DOCK1: variants seen among roughly 807,000 people sequenced by gnomAD.
DOCK1 encodes dedicator of cytokinesis 1.
In DOCK1, 138 loss-of-function variants were observed where a neutral mutation model predicts 262.7. The ratio of observed to expected loss-of-function variants is 0.53; its 90% confidence interval spans 0.46 to 0.61. DOCK1 has a LOEUF of 0.61. DOCK1 is among the 20% of genes least tolerant of loss of function. The pLI is 0.00. For synonymous variants in DOCK1, 866 were observed against 867.4 expected (o/e 1.00, Z 0.03); for missense variants, 1,908 against 2,370.7 (o/e 0.80, Z 4.05).
chr10:127,074,311 AG>A (rs1311957317), intron 23 of DOCK1, among the ~76,000 whole-genome samples: 1 of 152,200 alleles, frequency 6.6e-6, no homozygotes, highest in African/African-American at 2.4e-5. Context: ...GAACTTGCCC[AG>A]GAACAGAGGG....
At chr10:127,265,159 T>A (rs775078585) in intron 29 of DOCK1, among the ~76,000 whole-genome samples, 2 of 152,244 alleles carry the variant, frequency 1.3e-5, no homozygotes, top group Non-Finnish European at 2.9e-5. Context: ...TCTGAAAGAC[T>A]AGCTCATCAA....
intron 28 of DOCK1, among the ~76,000 whole-genome samples, chr10:127,255,660 C>T (rs1325473794): frequency 3.9e-5 from 6 of 152,136 alleles, no homozygotes; most frequent in Non-Finnish European, 5.9e-5. Context: ...CAAAATTTAA[C>T]AGCTGAGCCA....
intron 29 of DOCK1, among the ~76,000 whole-genome samples, chr10:127,296,641 T>C (rs933763841): frequency 2.0e-5 from 3 of 152,218 alleles, no homozygotes; most frequent in Non-Finnish European, 4.4e-5. Context: ...TGTTTGCTTC[T>C]CTGTCTGCCT....
intron 27 of DOCK1, among the ~76,000 whole-genome samples, chr10:127,239,655 TAA>T (rs981852126): frequency 8.5e-5 from 13 of 152,182 alleles, no homozygotes; most frequent in Non-Finnish European, 1.9e-4. Context: ...TCTTCAATAA[TAA>T]GAGTTTTTTT....
At chr10:127,172,390 T>C (rs2054655826) in intron 27 of DOCK1, among the ~76,000 whole-genome samples, 1 of 152,202 alleles carries the variant, frequency 6.6e-6, no homozygotes, top group Non-Finnish European at 1.5e-5. Context: ...TGGCTGCCAC[T>C]GCTCACAGCT....
At chr10:127,361,396 G>A (rs543327118) in intron 32 of DOCK1, among the ~76,000 whole-genome samples, 5 of 152,150 alleles carry the variant, frequency 3.3e-5, no homozygotes, top group South Asian at 2.1e-4. Flanking sequence ...TTACAGGCGT[G>A]AGCCACCACA....
At chr10:126,965,478 G>T (rs1365048691) in intron 1 of DOCK1, among the ~76,000 whole-genome samples, 2 of 152,108 alleles carry the variant, frequency 1.3e-5, no homozygotes, top group African/African-American at 4.8e-5. Context: ...TGGAGAGAAG[G>T]GAAGACAGTC....
chr10:126,963,744 A>G (rs2037462379), intron 1 of DOCK1, among the ~76,000 whole-genome samples: 2 of 150,758 alleles, frequency 1.3e-5, no homozygotes, highest in Non-Finnish European at 2.9e-5. Flanking sequence ...TGCGAAAAAT[A>G]AGATGCAGAT....
Position 126,996,794 on chromosome 10 carries a change from T to G in DOCK1, c.520T>G (p.Leu174Val). The G allele has an allele frequency of 6.2e-7, 1 of 1,612,744 alleles. No individual in the cohort carries two copies. Among genetic ancestry groups the G allele is most frequent in the Non-Finnish European group, 8.5e-7 (1 of 1,179,516 alleles). ...LVVRDEDGNI[L>V]DPELTSTISL... The stretch of plus-strand genomic sequence containing the variant: ...GGTTAGAGATGAAGATGGGAATATT[T>G]TGGATCCAGAATTAACTAGCACGAT... The change falls in exon 7 of 52, where the codon TTG becomes GTG. Residue 174 changes from leucine (L) to valine (V), a missense_variant. By Grantham distance (32) the Leu-to-Val change is conservative. Coordinates refer to ENST00000623213, the MANE Select transcript of DOCK1 (RefSeq NM_001290223.2).
chr10:127,012,281 C>T lies in DOCK1; in HGVS notation c.1108C>T (p.Arg370Cys), dbSNP rs559712787. 1.2e-5 allele frequency: 20 copies of T among 1,613,934 alleles called. No individual in the cohort carries two copies. Among genetic ancestry groups the T allele is most frequent in the Middle Eastern group, 1.6e-4 (1 of 6,062 alleles). The change falls in exon 12 of 52, where the codon CGT (arginine) becomes TGT (cysteine). Residue 370 changes from arginine (R) to cysteine (C), a missense_variant. Transcript: ENST00000623213. This position sits in a 1 kb window ranked among gnomAD's most constrained non-coding sequence, Gnocchi z 4.0. Reference sequence around the variant, plus strand: ...ACACAAGCCGCTGAACATGTCATCCCGTTTTTCACCCAGGGTGGCAGGGGA... The same window carrying T: ...ACACAAGCCGCTGAACATGTCATCCTGTTTTTCACCCAGGGTGGCAGGGGA... The part of the protein sequence containing the change: ...IRHKPLNMSS[R>C]FSPRVAGEND...
intron 29 of DOCK1, among the ~76,000 whole-genome samples, chr10:127,338,536 G>C (rs560591922): frequency 7.6e-4 from 116 of 152,258 alleles, no homozygotes; most frequent in Middle Eastern, 6.8e-3. Flanking sequence ...TACTGAAGTC[G>C]TAAGCCATGC....
chr10:127,175,922 C>T lies in DOCK1; in HGVS notation c.2847+48158C>T. 1.2e-6 allele frequency: 2 copies of T among 1,614,204 alleles called. No individual in the cohort carries two copies. The highest frequency in any genetic ancestry group is 2.2e-5 in the East Asian group (1 of 44,878). ...CCCGCCCCGCGCCACATGGCCGGGC[C>T]TCCTCCATGGGTCCAGCCTCGTTCT... On this transcript the variant is annotated intron_variant, in intron 27 of 51. Coordinates refer to ENST00000623213, the MANE Select transcript of DOCK1 (RefSeq NM_001290223.2). This position sits in a 1 kb window ranked among gnomAD's most constrained non-coding sequence, Gnocchi z 6.3.
intron 25 of DOCK1, among the ~76,000 whole-genome samples, chr10:127,113,556 G>A (rs1056972001): frequency 2.6e-5 from 4 of 152,182 alleles, no homozygotes; most frequent in Non-Finnish European, 4.4e-5. Flanking sequence ...AAAGCCTTTC[G>A]TTGCCAGGTC....
intron 23 of DOCK1, among the ~76,000 whole-genome samples, chr10:127,094,448 C>T (rs2047777967): frequency 6.6e-6 from 1 of 152,160 alleles, no homozygotes; most frequent in Admixed American, 6.5e-5. Context: ...AAAGCCTTCC[C>T]TTCCCCTGTC....
intron 10 of DOCK1, chr10:127,007,269 CAG>C (rs2041104056): frequency 6.6e-6 from 1 of 152,174 alleles, no homozygotes; most frequent in Non-Finnish European, 1.5e-5. Context: ...CCAGACCAAA[CAG>C]GGGATGAGGA....
intron 3 of DOCK1, 36 bp downstream of exon 3, chr10:126,978,024 T>C (rs1258753662): frequency 1.9e-6 from 3 of 1,595,418 alleles, no homozygotes; most frequent in Admixed American, 1.7e-5. Flanking sequence ...GCATGTCTCT[T>C]CATAAATCAC....
At chr10:127,034,949 A>G (rs10830149) in intron 18 of DOCK1, among the ~76,000 whole-genome samples, 24,194 of 152,156 alleles carry the variant, frequency 0.16, 2,290 homozygotes, top group Non-Finnish European at 0.22. Flanking sequence ...CTTAAGTCTC[A>G]CCAGCTGCAG....
intron 2 of DOCK1, among the ~76,000 whole-genome samples, chr10:126,972,778 T>C (rs2038214800): frequency 6.6e-6 from 1 of 151,632 alleles, no homozygotes; most frequent in African/African-American, 2.4e-5. Flanking sequence ...TGATGCATGC[T>C]GTACCTTCCC....
chr10:127,204,224 A>G (rs1358805921), intron 27 of DOCK1, among the ~76,000 whole-genome samples: 1 of 152,064 alleles, frequency 6.6e-6, no homozygotes, highest in East Asian at 1.9e-4. Flanking sequence ...GCTTTTTCCC[A>G]TTTGTGTTCA....
Sources: gnomAD v4.1 joint callset for allele counts (sites outside exome capture counted in the v4.1 genomes callset) on GRCh38, gnomAD v4.1.1 for gene constraint, Gnocchi (gnomAD v3.1) non-coding constraint, MANE v1.5 for transcripts, NCBI Gene and HGNC (gene_info 2026-07-23, HGNC 2026-07-21) for gene names.